ANKRD28: variants seen among roughly 807,000 people sequenced by gnomAD.
The protein encoded by ANKRD28 is ankyrin repeat domain 28.
ANKRD28 carries 44 observed loss-of-function variants against 126.5 expected under a neutral mutation model. The observed-to-expected ratio is 0.35, with a 90% CI of 0.27 to 0.45. ANKRD28 has a LOEUF of 0.45. Among genes scored for constraint, ANKRD28 ranks in the 20% least tolerant of loss-of-function variants. ANKRD28 has a pLI of 1.00. For missense variants in ANKRD28, 1,110 were observed against 1,316.6 expected (o/e 0.84, Z 2.43); for synonymous variants, 442 against 468.5 (o/e 0.94, Z 0.73).
intron 1 of ANKRD28, among the ~76,000 whole-genome samples, chr3:15,819,419 A>T (rs1328697877): frequency 6.6e-6 from 1 of 152,256 alleles, no homozygotes; most frequent in African/African-American, 2.4e-5. Flanking sequence ...AGGCAGTTCA[A>T]GACAGTAAAA....
In ANKRD28 at chr3:15,669,196, GAAC is replaced by G. The variant is rs2066142607; in HGVS notation, c.*1071_*1073del. 6.6e-6 allele frequency: 1 copy of G among 152,140 alleles called. No homozygotes were observed. Among genetic ancestry groups the G allele is most frequent in the Non-Finnish European group, 1.5e-5 (1 of 68,030 alleles). 9.4% of individuals were successfully genotyped at this position (152,140 alleles called of 1,614,324 possible). ...GAGACTTTAGTGATGCTTAATTTAT[GAAC>G]AACAAGGAATTATTTTCCTTTTGAT... is the stretch of plus-strand genomic sequence containing the variant. On this transcript the variant is annotated 3_prime_UTR_variant, in exon 28 of 28. Coordinates refer to ENST00000683139, the MANE Select transcript of ANKRD28 (RefSeq NM_001349278.2).
Position 15,797,070 on chromosome 3 carries a change from T to C in ANKRD28, c.-549A>G, listed in dbSNP as rs2060308423. The C allele has an allele frequency of 1.0e-6, 1 of 985,240 alleles. No homozygotes were observed. Among genetic ancestry groups the C allele is most frequent in the African/African-American group, 1.7e-5 (1 of 57,212 alleles). The allele number at this position is 985,240 out of a possible 1,614,324, so 61.0% of individuals were successfully genotyped here. On this transcript the variant is annotated 5_prime_UTR_variant, in exon 1 of 28. Transcript: ENST00000683139. ...TCACTATTCTGTTTCCACTTCTAATTTGTCTTCATTTCTTCATCACTGGTT... is the reference window on the plus strand; with the variant it reads ...TCACTATTCTGTTTCCACTTCTAATCTGTCTTCATTTCTTCATCACTGGTT...
chr3:15,767,220 G>T (rs1457628167), intron 2 of ANKRD28, among the ~76,000 whole-genome samples: 1 of 152,096 alleles, frequency 6.6e-6, no homozygotes, highest in Non-Finnish European at 1.5e-5. Flanking sequence ...CAAGATGCAA[G>T]ATTTTAGAGT....
intron 21 of ANKRD28, among the ~76,000 whole-genome samples, chr3:15,680,205 ATAT>A (rs201388318): frequency 1.3e-5 from 2 of 151,988 alleles, no homozygotes; most frequent in East Asian, 1.9e-4. Flanking sequence ...CATATATGAA[ATAT>A]TATTATTATT....
At position 15,796,514 on chromosome 3, in the gene ANKRD28, C is replaced by T. The variant is rs767295972; in HGVS notation, c.8G>A (p.Arg3Gln). ...CTCCTCCAAAACAACAATACACACTCGACTCATTCGATCTTTTAAAACACT... is the reference window on the plus strand; with the variant it reads ...CTCCTCCAAAACAACAATACACACTTGACTCATTCGATCTTTTAAAACACT... MS[R>Q]VCIVVLEEVE... Residue 3 changes from arginine to glutamine, a missense_variant, in exon 1 of 28, where the codon CGA becomes CAA. By Grantham distance (43) the Arg-to-Gln change is conservative (BLOSUM62 1). Coordinates refer to ENST00000683139, the MANE Select transcript of ANKRD28 (RefSeq NM_001349278.2). 47 of 1,283,680 alleles carry T rather than the reference C, an allele frequency of 3.7e-5. No homozygotes were observed. The highest frequency in any genetic ancestry group is 1.4e-4 in the Admixed American group (6 of 42,754). 79.5% of individuals were successfully genotyped at this position (1,283,680 alleles called of 1,614,324 possible). A position where few individuals can be genotyped will look rare whatever the true frequency, so the allele number is the denominator to read the frequency against.
At chr3:15,736,473 G>C (rs1365187624) in intron 5 of ANKRD28, among the ~76,000 whole-genome samples, 1 of 152,090 alleles carries the variant, frequency 6.6e-6, no homozygotes, top group African/African-American at 2.4e-5. Flanking sequence ...TCCTACCCCT[G>C]CAACAAAAAT....
intron 3 of ANKRD28, among the ~76,000 whole-genome samples, chr3:15,758,072 A>G (rs1559481977): frequency 6.6e-6 from 1 of 152,208 alleles, no homozygotes; most frequent in African/African-American, 2.4e-5. Flanking sequence ...AGTAGGTACT[A>G]TTAAAGTTAT....
intron 1 of ANKRD28, among the ~76,000 whole-genome samples, chr3:15,841,955 A>C (rs1301022142): frequency 6.6e-6 from 1 of 151,820 alleles, no homozygotes; most frequent in Non-Finnish European, 1.5e-5. Context: ...AAAGGAAATC[A>C]GTATATTGAA....
chr3:15,841,832 T>A (rs979378287), intron 1 of ANKRD28, among the ~76,000 whole-genome samples: 2 of 152,066 alleles, frequency 1.3e-5, no homozygotes, highest in Non-Finnish European at 2.9e-5. Context: ...TTGGTAGGAA[T>A]GCAAACTAGT....
chr3:15,748,950 C>T (rs560112160), intron 4 of ANKRD28, among the ~76,000 whole-genome samples: 1 of 151,944 alleles, frequency 6.6e-6, no homozygotes, highest in African/African-American at 2.4e-5. Context: ...TGTCTTCAAG[C>T]GCTAAAGTTC....
rs1220350312 is a variant in ANKRD28, at chr3:15,685,431, A to G, written c.2184T>C (p.His728=). The G allele has an allele frequency of 1.2e-6, 2 of 1,613,920 alleles. No homozygotes were observed. The highest frequency in any genetic ancestry group is 1.3e-5 in the African/African-American group (1 of 74,956). Residue 728 remains histidine, a synonymous_variant, in exon 21 of 28, where the codon CAT becomes CAC. Coordinates refer to ENST00000683139, the MANE Select transcript of ANKRD28 (RefSeq NM_001349278.2). ...TALHRGAVTG[H]EECVDALLQH... is the part of the protein sequence containing the mutation. Reference sequence around the variant, plus strand: ...GAAGTAATGCATCTACACATTCTTCATGGCCTGTAACTGCCTGAAAGAAAA... The same window carrying G: ...GAAGTAATGCATCTACACATTCTTCGTGGCCTGTAACTGCCTGAAAGAAAA...
intron 27 of ANKRD28, among the ~76,000 whole-genome samples, chr3:15,675,364 G>A (rs902050608): frequency 1.3e-5 from 2 of 152,202 alleles, no homozygotes; most frequent in Non-Finnish European, 2.9e-5. Context: ...AAAGGGGACA[G>A]AGAAATATGG....
chr3:15,668,874 C>A lies in ANKRD28; in HGVS notation c.*1396G>T, dbSNP rs1001102857. Reference sequence around the variant, plus strand: ...AAAAGGATAAAATGAAATTGGGTATCATTTTGTTGCAATTTATAGAACTTT... The same window carrying A: ...AAAAGGATAAAATGAAATTGGGTATAATTTTGTTGCAATTTATAGAACTTT... On this transcript the variant is annotated 3_prime_UTR_variant, in exon 28 of 28. Coordinates refer to ENST00000683139, the MANE Select transcript of ANKRD28 (RefSeq NM_001349278.2). 6.6e-6 allele frequency: 1 copy of A among 152,586 alleles called. No homozygotes were observed. Among genetic ancestry groups the A allele is most frequent in the African/African-American group, 2.4e-5 (1 of 41,444 alleles). The allele number at this position is 152,586 out of a possible 1,614,324, so 9.5% of individuals were successfully genotyped here. A position where few individuals can be genotyped will look rare whatever the true frequency, so the allele number is the denominator to read the frequency against.
At chr3:15,733,884 A>T (rs1441773433) in intron 6 of ANKRD28, among the ~76,000 whole-genome samples, 1 of 152,192 alleles carries the variant, frequency 6.6e-6, no homozygotes, top group African/African-American at 2.4e-5. Context: ...TAGGCATAGG[A>T]TTTCCCTGGG....
chr3:15,685,492 T>C (rs2068005118), intron 20 of ANKRD28, 47 bp from the exon 21 acceptor site: 1 of 1,566,810 alleles, frequency 6.4e-7, no homozygotes, highest in Non-Finnish European at 8.8e-7. Flanking sequence ...ATGCTAAACA[T>C]TACATGCCAA....
At chr3:15,795,982 A>T (rs1027954804) in intron 1 of ANKRD28, among the ~76,000 whole-genome samples, 2 of 152,196 alleles carry the variant, frequency 1.3e-5, no homozygotes, top group African/African-American at 4.8e-5. Flanking sequence ...ACTGAATCTC[A>T]TATAAAGTCT....
At chr3:15,775,325 C>T (rs2059208235) in intron 2 of ANKRD28, among the ~76,000 whole-genome samples, 1 of 152,252 alleles carries the variant, frequency 6.6e-6, no homozygotes, top group South Asian at 2.1e-4. Context: ...TCCCCTTCTA[C>T]TCACACACCA....
intron 2 of ANKRD28, among the ~76,000 whole-genome samples, chr3:15,780,154 TAC>T (rs2059477651): frequency 6.6e-6 from 1 of 152,104 alleles, no homozygotes; most frequent in South Asian, 2.1e-4. Context: ...GACATGATCT[TAC>T]ACAGAGAAAT....
chr3:15,766,390 C>A lies in ANKRD28; in HGVS notation c.202-78G>T, dbSNP rs541987657. ...ATAATAGTTTTAATAACCACAACAA[C>A]AACCCCTCCCCCCACCAAACCATTA... On this transcript the variant is annotated intron_variant, in intron 2 of 27. Transcript: ENST00000683139. The A allele has an allele frequency of 4.0e-6, 4 of 997,712 alleles. No homozygotes were observed. In the East Asian group the frequency reaches 1.0e-4, roughly 26 times the overall value. The allele number at this position is 997,712 out of a possible 1,614,324, so 61.8% of individuals were successfully genotyped here.
Sources: allele counts gnomAD v4.1 joint callset (sites outside exome capture counted in the v4.1 genomes callset), GRCh38; gene constraint gnomAD v4.1.1; transcripts MANE v1.5; gene names NCBI Gene and HGNC (gene_info 2026-07-23, HGNC 2026-07-21).